DYM: variants seen among roughly 807,000 people sequenced by gnomAD.
The protein encoded by DYM is dymeclin, also known as dyggve-Melchior-Clausen syndrome protein.
Under a neutral mutation model 93.1 loss-of-function variants are expected in DYM, and 78 were observed. The observed-to-expected ratio is 0.84, with a 90% CI of 0.70 to 1.01. The LOEUF (loss-of-function observed/expected upper bound fraction) is 1.01, where lower values mean the gene tolerates loss of function less well. Ranked by LOEUF, DYM falls within the 50% of genes least tolerant of loss-of-function variation. DYM has a pLI of 0.00. For synonymous variants in DYM, 321 were observed against 319.7 expected (o/e 1.00, Z -0.04); for missense variants, 789 against 845.0 (o/e 0.93, Z 0.82).
intron 8 of DYM, among the ~76,000 whole-genome samples, chr18:49,306,068 A>T (rs12607122): frequency 0.08 from 12,229 of 152,298 alleles, 772 homozygotes; most frequent in East Asian, 0.31. Flanking sequence ...ATACAGCTGA[A>T]AAGAAGATTA....
chr18:49,291,673 G>C (rs754314814), intron 8 of DYM, among the ~76,000 whole-genome samples: 3 of 152,112 alleles, frequency 2.0e-5, no homozygotes, highest in Non-Finnish European at 4.4e-5. Flanking sequence ...GGGAACACAG[G>C]AAAGTTTCTG....
At chr18:49,399,685 T>A (rs1252804904) in intron 2 of DYM, among the ~76,000 whole-genome samples, 1 of 152,118 alleles carries the variant, frequency 6.6e-6, no homozygotes, top group East Asian at 1.9e-4. Context: ...GCAGTAAGAT[T>A]GCCCAGTTGC....
intron 16 of DYM, among the ~76,000 whole-genome samples, chr18:49,117,680 C>T (rs1275750941): frequency 1.3e-5 from 2 of 152,148 alleles, no homozygotes; most frequent in Non-Finnish European, 2.9e-5. Flanking sequence ...TCAAACAGAT[C>T]AAGTAACATT....
chr18:49,226,579 A>G lies in DYM; in HGVS notation c.1461-16864T>C, dbSNP rs1474750243. ...TAAAACTCCACAAATGCAGACATTC[A>G]TTTGAAATTTCCTTCTGGCACTTTC... On this transcript the variant is annotated intron_variant, in intron 13 of 17. Transcript: ENST00000675505. Among the ~76,000 whole-genome samples the G allele has an allele frequency of 2.0e-5, 3 of 152,184 alleles. No individual in the cohort carries two copies. In the East Asian group the frequency reaches 5.8e-4, roughly 29 times the overall value.
chr18:49,108,504 G>GGGAGCTGTAGACT (rs996836517), intron 16 of DYM, among the ~76,000 whole-genome samples: 5 of 152,192 alleles, frequency 3.3e-5, no homozygotes, highest in African/African-American at 1.2e-4. Flanking sequence ...CGCTCACACT[G>GGGAGCTGTAGACT]GGAGCTGTAG....
chr18:49,309,268 G>A (rs753651359), intron 8 of DYM, among the ~76,000 whole-genome samples: 12 of 152,178 alleles, frequency 7.9e-5, no homozygotes, highest in East Asian at 5.8e-4. Context: ...TTATGCTTAC[G>A]CTATGGATTT....
At chr18:49,067,411 T>C (rs2076534833) in intron 17 of DYM, among the ~76,000 whole-genome samples, 11 of 148,746 alleles carry the variant, frequency 7.4e-5, no homozygotes, top group East Asian at 2.0e-4. Context: ...GATGTGAGTG[T>C]TATGGAGGTT....
At chr18:49,324,680 T>A (rs1470460030) in intron 8 of DYM, among the ~76,000 whole-genome samples, 6 of 152,326 alleles carry the variant, frequency 3.9e-5, no homozygotes, top group Admixed American at 3.9e-4. Flanking sequence ...TTTTAAATTG[T>A]CTTATATAAA....
intron 17 of DYM, among the ~76,000 whole-genome samples, chr18:49,050,267 T>C (rs928807033): frequency 6.6e-6 from 1 of 151,736 alleles, no homozygotes; most frequent in African/African-American, 2.4e-5. Context: ...TTTTTTGTAT[T>C]TTTAGTAGAG....
chr18:49,122,365 C>G (rs187291438), intron 15 of DYM, among the ~76,000 whole-genome samples: 3 of 151,936 alleles, frequency 2.0e-5, no homozygotes, highest in East Asian at 3.9e-4. Context: ...AAACTCACTA[C>G]CTGAAAGATA....
At chr18:49,295,909 C>T (rs920883556) in intron 8 of DYM, among the ~76,000 whole-genome samples, 8 of 151,540 alleles carry the variant, frequency 5.3e-5, no homozygotes, top group East Asian at 1.9e-4. Flanking sequence ...AAACCAAAAC[C>T]GTTCTTATTT....
chr18:49,313,577 C>T (rs1032701951), intron 8 of DYM, among the ~76,000 whole-genome samples: 2 of 151,344 alleles, frequency 1.3e-5, no homozygotes, highest in African/African-American at 4.9e-5. Flanking sequence ...ATAATCCACC[C>T]CTTGTTTAGC....
intron 17 of DYM, among the ~76,000 whole-genome samples, chr18:49,054,314 T>TC (rs1339474035): frequency 6.6e-6 from 1 of 152,188 alleles, no homozygotes; most frequent in Non-Finnish European, 1.5e-5. Context: ...CGATCTCGGC[T>TC]CACTGCAACC....
At chr18:49,211,753 A>G (rs944711595) in intron 13 of DYM, among the ~76,000 whole-genome samples, 1 of 152,218 alleles carries the variant, frequency 6.6e-6, no homozygotes, top group African/African-American at 2.4e-5. Context: ...AGCAGGAGAC[A>G]GATTATTAGA....
intron 5 of DYM, among the ~76,000 whole-genome samples, chr18:49,366,629 A>T (rs150654432): frequency 6.6e-6 from 1 of 150,454 alleles, no homozygotes; most frequent in Non-Finnish European, 1.5e-5. Flanking sequence ...CTATCTCTTA[A>T]AACAAACAAA....
chr18:49,292,302 A>AGACT (rs1327115351), intron 8 of DYM, among the ~76,000 whole-genome samples: 3 of 99,466 alleles, frequency 3.0e-5, no homozygotes, highest in Admixed American at 1.3e-4. Flanking sequence ...CAACACAGAC[A>AGACT]GACAGACAGA....
At chr18:49,400,978 A>G (rs2070747500) in intron 2 of DYM, among the ~76,000 whole-genome samples, 1 of 152,236 alleles carries the variant, frequency 6.6e-6, no homozygotes, top group African/African-American at 2.4e-5. Flanking sequence ...GGTACTGTAA[A>G]AATATGCCAG....
chr18:49,166,603 CAA>C (rs573510017), intron 14 of DYM, among the ~76,000 whole-genome samples: 6 of 122,774 alleles, frequency 4.9e-5, no homozygotes, highest in Admixed American at 8.2e-5. Context: ...GCAGGAGATG[CAA>C]AAAAAAAAAG....
intron 17 of DYM, among the ~76,000 whole-genome samples, chr18:49,070,415 C>T (rs998881065): frequency 6.6e-6 from 1 of 152,192 alleles, no homozygotes; most frequent in African/African-American, 2.4e-5. Context: ...GACTCACTCT[C>T]AGCCCTCCAG....
Sources: allele counts gnomAD v4.1 joint callset (sites outside exome capture counted in the v4.1 genomes callset), GRCh38; gene constraint gnomAD v4.1.1; transcripts MANE v1.5; gene names NCBI Gene and HGNC (gene_info 2026-07-23, HGNC 2026-07-21).